STK4: variants seen among roughly 807,000 people sequenced by gnomAD.
The protein encoded by STK4 is serine/threonine-protein kinase 4.
Under a neutral mutation model 64.9 loss-of-function variants are expected in STK4, and 30 were observed. The observed-to-expected ratio is 0.46, with a 90% confidence interval of 0.35 to 0.63. The LOEUF is 0.63. STK4 is among the 20% of genes least tolerant of loss of function. STK4 has a pLI of 0.01. For missense variants in STK4, 466 were observed against 598.5 expected (o/e 0.78, Z 2.31); for synonymous variants, 177 against 199.0 (o/e 0.89, Z 0.93).
intron 9 of STK4, among the ~76,000 whole-genome samples, chr20:45,018,897 T>TA (rs927062653): frequency 6.6e-5 from 10 of 150,608 alleles, no homozygotes; most frequent in African/African-American, 1.2e-4. Context: ...CCAGCTAATT[T>TA]AAAAAAAAAA....
chr20:45,058,750 CA>C (rs1219240143), intron 10 of STK4, among the ~76,000 whole-genome samples: 1 of 152,162 alleles, frequency 6.6e-6, no homozygotes. Context: ...TGCATTAAAA[CA>C]GTAGCTCGGT....
chr20:45,040,558 G>A (rs1470057257), intron 10 of STK4, among the ~76,000 whole-genome samples: 2 of 151,270 alleles, frequency 1.3e-5, no homozygotes, highest in Non-Finnish European at 1.5e-5. Flanking sequence ...GAGCATCCTT[G>A]CTTTCTAGTA....
At chr20:45,005,660 A>AC (rs1186583226) in intron 9 of STK4, among the ~76,000 whole-genome samples, 2 of 151,464 alleles carry the variant, frequency 1.3e-5, no homozygotes, top group African/African-American at 4.9e-5. Context: ...AAAAAAAAAA[A>AC]AAAAAAACAA....
At chr20:44,988,072 C>G (rs990029215) in intron 5 of STK4, among the ~76,000 whole-genome samples, 1 of 151,576 alleles carries the variant, frequency 6.6e-6, no homozygotes, top group African/African-American at 2.4e-5. Context: ...TAAAATAAAT[C>G]AGAACCTTAT....
intron 9 of STK4, among the ~76,000 whole-genome samples, chr20:45,012,752 A>G (rs912903751): frequency 3.0e-4 from 44 of 149,038 alleles, no homozygotes; most frequent in African/African-American, 1.1e-3. Flanking sequence ...TTATGATTAT[A>G]GTTTTTCCTT....
chr20:44,987,153 A>G lies in STK4; in HGVS notation c.382A>G (p.Thr128Ala). ...NKTLTEDEIA[T>A]ILQSTLKGLE... ...TCAGTTAACAGAAGATGAAATAGCT[A>G]CAATATTACAATCAACTCTTAAGGG... The change falls in exon 5 of 11, where the codon ACA becomes GCA. Residue 128 changes from threonine (T) to alanine (A), a missense_variant. Physicochemically the swap from Thr to Ala is moderately conservative, Grantham distance 58 (BLOSUM62 0). This residue lies in a region of STK4 where 190 missense variants were observed against 289.7 expected (regional missense o/e 0.66). Transcript: ENST00000372806. The G allele has an allele frequency of 6.3e-7, 1 of 1,595,882 alleles. No homozygotes were observed. The highest frequency in any genetic ancestry group is 8.5e-7 in the Non-Finnish European group (1 of 1,172,240).
chr20:45,050,181 G>T (rs114293286), intron 10 of STK4, among the ~76,000 whole-genome samples: 3,941 of 152,238 alleles, frequency 0.026, 160 homozygotes, highest in African/African-American at 0.084. Flanking sequence ...CTGGGGGTGT[G>T]TGGGGACTGG....
Position 44,967,962 on chromosome 20 carries a change from A to C in STK4, c.35+1359A>C, listed in dbSNP as rs535403864. 9.2e-5 allele frequency among the ~76,000 whole-genome samples: 14 copies of C among 152,170 alleles called. No homozygotes were observed. In the South Asian group the frequency reaches 2.9e-3, roughly 32 times the overall value. On this transcript the variant is annotated intron_variant, in intron 1 of 10. Transcript: ENST00000372806. ...ATTTGACCATTTTTGAACCATAAAA[A>C]CCTCATTTGAACTCATTTGAACCTC...
At chr20:45,059,318 A>G (rs184136485) in intron 10 of STK4, among the ~76,000 whole-genome samples, 51 of 152,312 alleles carry the variant, frequency 3.3e-4, no homozygotes, top group African/African-American at 1.0e-3. Context: ...TTAGCCAACA[A>G]TGTTCATCTT....
At chr20:45,072,797 A>ATG (rs1420990867) in intron 10 of STK4, among the ~76,000 whole-genome samples, 55 of 152,274 alleles carry the variant, frequency 3.6e-4, no homozygotes, top group African/African-American at 1.3e-3. Context: ...TTTATGGAAG[A>ATG]TTAATTAGAG....
chr20:44,992,915 C>T (rs957988246), intron 5 of STK4, among the ~76,000 whole-genome samples: 8 of 151,842 alleles, frequency 5.3e-5, no homozygotes, highest in East Asian at 3.9e-4. Flanking sequence ...AGGCTGGTTT[C>T]GAACTCCTGA....
intron 9 of STK4, among the ~76,000 whole-genome samples, chr20:45,006,966 C>G (rs1256925846): frequency 6.6e-6 from 1 of 152,198 alleles, no homozygotes; most frequent in Non-Finnish European, 1.5e-5. Flanking sequence ...GGCCACTCGG[C>G]TCAGTGCTGT....
intron 9 of STK4, among the ~76,000 whole-genome samples, chr20:45,015,732 G>A (rs1177080650): frequency 6.6e-6 from 1 of 152,150 alleles, no homozygotes; most frequent in Non-Finnish European, 1.5e-5. Flanking sequence ...CCTTGGTCAG[G>A]TTCTTTCTTT....
chr20:45,021,025 G>T (rs1393632966), intron 9 of STK4, among the ~76,000 whole-genome samples: 1 of 151,930 alleles, frequency 6.6e-6, no homozygotes, highest in Non-Finnish European at 1.5e-5. Flanking sequence ...TTGCTATGTT[G>T]CCCAGGCTGG....
intron 4 of STK4, 50 bp from the exon 5 acceptor site, chr20:44,987,082 A>G (rs2067542050): frequency 2.7e-6 from 4 of 1,457,624 alleles, no homozygotes; most frequent in Non-Finnish European, 3.7e-6. Flanking sequence ...TCCTTTTTCT[A>G]ATGCGCTGAT....
At position 45,067,848 on chromosome 20, in the gene STK4, G is replaced by A. The variant is rs80341315; in HGVS notation, c.1306-7170G>A. On this transcript the variant is annotated intron_variant, in intron 10 of 10. Transcript: ENST00000372806. ...GGAATCAGGACTTTGCAGTGACCTG[G>A]CCCAGAGGAAATAAACCAGGTGGGT... Among the ~76,000 whole-genome samples the A allele has an allele frequency of 4.9e-3, 748 of 152,264 alleles. 5 individuals carry two copies. Among genetic ancestry groups the A allele is most frequent in the East Asian group, 0.026 (135 of 5,172 alleles).
At chr20:45,023,922 A>G (rs1203377571) in intron 9 of STK4, among the ~76,000 whole-genome samples, 4 of 121,056 alleles carry the variant, frequency 3.3e-5, no homozygotes, top group African/African-American at 1.3e-4. Flanking sequence ...TTTTTTTGAG[A>G]CAGAGTCTCG....
At position 45,079,232 on chromosome 20, in the gene STK4, T is replaced by A. The variant is rs1013769562; in HGVS notation, c.*4056T>A. 1 of 151,936 alleles carries A rather than the reference T, an allele frequency of 6.6e-6. No individual in the cohort carries two copies. The highest frequency in any genetic ancestry group is 6.6e-5 in the Admixed American group (1 of 15,238). The allele number at this position is 151,936 out of a possible 1,614,324, so 9.4% of individuals were successfully genotyped here. ...CCCCGTCTCAAAAAAAAAGAAGAAGTAGATAATCTGAATAGCCCTATATCT... is the reference window on the plus strand; with the variant it reads ...CCCCGTCTCAAAAAAAAAGAAGAAGAAGATAATCTGAATAGCCCTATATCT... On this transcript the variant is annotated 3_prime_UTR_variant, in exon 11 of 11. Transcript: ENST00000372806.
intron 9 of STK4, among the ~76,000 whole-genome samples, chr20:45,008,334 C>T (rs974140152): frequency 4.6e-5 from 7 of 152,162 alleles, no homozygotes; most frequent in Admixed American, 3.9e-4. Flanking sequence ...GGATTACAGG[C>T]GTTAGCCACT....
Sources: allele counts gnomAD v4.1 joint callset (sites outside exome capture counted in the v4.1 genomes callset), GRCh38; gene constraint gnomAD v4.1.1; regional missense constraint gnomAD v4.1.1; transcripts MANE v1.5; gene names NCBI Gene and HGNC (gene_info 2026-07-23, HGNC 2026-07-21).